Variants in GRIA4 observed in about 807,000 individuals in gnomAD.
The protein encoded by GRIA4 is glutamate receptor 4.
Under a neutral mutation model 104.0 loss-of-function variants are expected in GRIA4, and 34 were observed. The observed-to-expected ratio is 0.33, with a 90% CI of 0.25 to 0.44. GRIA4 has a LOEUF of 0.44. Among genes scored for constraint, GRIA4 ranks in the 20% least tolerant of loss-of-function variants. GRIA4 has a pLI of 1.00. For synonymous variants in GRIA4, 386 were observed against 381.9 expected (o/e 1.01, Z -0.13); for missense variants, 750 against 1,096.5 (o/e 0.68, Z 4.46).
chr11:105,848,150 T>C (rs1007397623), intron 4 of GRIA4, among the ~76,000 whole-genome samples: 22 of 152,208 alleles, frequency 1.4e-4, no homozygotes, highest in Non-Finnish European at 2.9e-5. Context: ...ATGGAGAACA[T>C]TTGCTTATTA....
intron 3 of GRIA4, among the ~76,000 whole-genome samples, chr11:105,673,554 T>C (rs1309303724): frequency 6.6e-6 from 1 of 152,066 alleles, no homozygotes; most frequent in Non-Finnish European, 1.5e-5. Context: ...TCTCTCTCAA[T>C]TAAAAACAAA....
intron 5 of GRIA4, among the ~76,000 whole-genome samples, chr11:105,881,983 C>T: frequency 6.6e-6 from 1 of 152,110 alleles, no homozygotes; most frequent in Non-Finnish European, 1.5e-5. Context: ...AGACCCTTGC[C>T]TTATATTTTT....
intron 3 of GRIA4, among the ~76,000 whole-genome samples, chr11:105,739,534 T>C (rs1939179712): frequency 2.6e-5 from 4 of 152,212 alleles, no homozygotes; most frequent in African/African-American, 9.6e-5. Context: ...TTGTCATTTA[T>C]GGTGATTAGC....
intron 3 of GRIA4, among the ~76,000 whole-genome samples, chr11:105,665,479 T>C (rs1952137637): frequency 6.6e-6 from 1 of 151,940 alleles, no homozygotes; most frequent in African/African-American, 2.4e-5. Flanking sequence ...GAGGTTGCAC[T>C]GGCCTTCGAG....
chr11:105,777,791 C>T (rs752729783), intron 4 of GRIA4, among the ~76,000 whole-genome samples: 23 of 151,988 alleles, frequency 1.5e-4, no homozygotes, highest in Non-Finnish European at 3.1e-4. Flanking sequence ...ACAATAACAA[C>T]CAAAAAAATC....
intron 3 of GRIA4, among the ~76,000 whole-genome samples, chr11:105,681,879 T>G (rs1484017892): frequency 6.6e-6 from 1 of 151,962 alleles, no homozygotes; most frequent in Non-Finnish European, 1.5e-5. Context: ...CCATCTCTAC[T>G]AAAAATATAA....
At chr11:105,848,748 C>A (rs1944686229) in intron 4 of GRIA4, among the ~76,000 whole-genome samples, 1 of 152,072 alleles carries the variant, frequency 6.6e-6, no homozygotes. Flanking sequence ...AAAGATGGTG[C>A]CCCATCTCAG....
chr11:105,646,637 G>A (rs1437669264), intron 3 of GRIA4, among the ~76,000 whole-genome samples: 2 of 152,108 alleles, frequency 1.3e-5, no homozygotes, highest in African/African-American at 4.8e-5. Context: ...AAATAAGACT[G>A]CACACCTACA....
intron 14 of GRIA4, among the ~76,000 whole-genome samples, chr11:105,962,977 A>G (rs561662699): frequency 1.3e-5 from 2 of 152,276 alleles, no homozygotes; most frequent in East Asian, 1.9e-4. Context: ...CAGGGCAAGA[A>G]TACCCCTTAG....
chr11:105,783,277 T>A (rs1314226113), intron 4 of GRIA4, among the ~76,000 whole-genome samples: 1 of 152,174 alleles, frequency 6.6e-6, no homozygotes, highest in African/African-American at 2.4e-5. Context: ...TTTGAACTAA[T>A]CTAATAGGAA....
intron 13 of GRIA4, among the ~76,000 whole-genome samples, chr11:105,932,862 T>A (rs1947922277): frequency 6.6e-6 from 1 of 152,130 alleles, no homozygotes; most frequent in African/African-American, 2.4e-5. Flanking sequence ...GGTGTTCAAT[T>A]ACTGACTTGA....
intron 4 of GRIA4, among the ~76,000 whole-genome samples, chr11:105,840,826 T>G (rs924630704): frequency 6.6e-6 from 1 of 152,234 alleles, no homozygotes; most frequent in Non-Finnish European, 1.5e-5. Flanking sequence ...TCCATTTTAG[T>G]GTTTATATGG....
intron 6 of GRIA4, among the ~76,000 whole-genome samples, chr11:105,891,216 A>T (rs534349285): frequency 6.6e-6 from 1 of 152,270 alleles, no homozygotes; most frequent in African/African-American, 2.4e-5. Context: ...CCAGGCTGCA[A>T]ATACAGTAAA....
intron 16 of GRIA4, among the ~76,000 whole-genome samples, chr11:105,975,253 T>C (rs909973936): frequency 2.0e-5 from 3 of 152,174 alleles, no homozygotes; most frequent in South Asian, 2.1e-4. Context: ...ATAGACATTT[T>C]AGGCAATACA....
In GRIA4 at chr11:105,832,792, G is replaced by A. The variant is rs554975581; in HGVS notation, c.488-29232G>A. 9.2e-5 allele frequency among the ~76,000 whole-genome samples: 14 copies of A among 152,040 alleles called. No individual in the cohort carries two copies. In the South Asian group the frequency reaches 1.7e-3, roughly 18 times the overall value. ...TCAAGGGTGGCTGACATTGTCCTTCGGCATTTTTAGTGACTGTATTCCACT... is the reference window on the plus strand; with the variant it reads ...TCAAGGGTGGCTGACATTGTCCTTCAGCATTTTTAGTGACTGTATTCCACT... On this transcript the variant is annotated intron_variant, in intron 4 of 16. Transcript: ENST00000282499.
rs190614402 is a variant in GRIA4 at position 105,723,048 on chromosome 11, C to T, written c.248-29933C>T. Among the ~76,000 whole-genome samples, 3 of 152,094 alleles carry T rather than the reference C, an allele frequency of 2.0e-5. No homozygotes were observed. The East Asian group carries it at 5.8e-4, about 29-fold the overall frequency. ...CCCACAATTAATTCTAGGAAGAACA[C>T]AACTGGACCTTGGGACTTGCCGATG... is the stretch of plus-strand genomic sequence containing the variant. On this transcript the variant is annotated intron_variant, in intron 3 of 16. Coordinates refer to ENST00000282499, the MANE Select transcript of GRIA4 (RefSeq NM_000829.4).
At chr11:105,876,122 C>G (rs1048865345) in intron 5 of GRIA4, among the ~76,000 whole-genome samples, 1 of 152,144 alleles carries the variant, frequency 6.6e-6, no homozygotes, top group Non-Finnish European at 1.5e-5. Context: ...TGTCTTTGTT[C>G]TCACTGGTTT....
intron 3 of GRIA4, among the ~76,000 whole-genome samples, chr11:105,737,461 T>C (rs1333247084): frequency 6.6e-6 from 1 of 152,058 alleles, no homozygotes; most frequent in African/African-American, 2.4e-5. Context: ...CAGGGGACTT[T>C]AGTAAGGGAC....
At chr11:105,881,748 C>T (rs1946070148) in intron 5 of GRIA4, among the ~76,000 whole-genome samples, 1 of 152,058 alleles carries the variant, frequency 6.6e-6, no homozygotes, top group South Asian at 2.1e-4. Context: ...CACAGACCTA[C>T]ACACAAATTT....
Sources: allele counts gnomAD v4.1 joint callset (sites outside exome capture counted in the v4.1 genomes callset), GRCh38; gene constraint gnomAD v4.1.1; transcripts MANE v1.5; gene names NCBI Gene and HGNC (gene_info 2026-07-23, HGNC 2026-07-21).